Variants in ZNF536 observed in about 807,000 individuals in gnomAD.
The protein encoded by ZNF536 is zinc finger protein 536.
In ZNF536, 13 loss-of-function variants were observed where a neutral mutation model predicts 84.5. The ratio of observed to expected loss-of-function variants is 0.15; its 90% CI spans 0.10 to 0.24. The LOEUF is 0.24. ZNF536 is among the 10% of genes least tolerant of loss of function. The probability of loss-of-function intolerance (pLI) is 1.00; values close to 1 mark genes in which losing one functional copy is unlikely to be tolerated. For missense variants in ZNF536, 1,536 were observed against 1,747.5 expected, an observed-to-expected ratio of 0.88 and a Z score of 2.16; for synonymous variants, 811 against 742.5, an observed-to-expected ratio of 1.09 and a Z score of -1.50.
downstream of ZNF536, among the ~76,000 whole-genome samples, chr19:30,558,949 T>C (rs2046061892): frequency 6.6e-6 from 1 of 152,156 alleles, no homozygotes; most frequent in Admixed American, 6.5e-5. Flanking sequence ...AACCCAGAAA[T>C]GCTCATTGAA....
At position 30,584,750 on chromosome 19, in the gene ZNF536, T is replaced by G. The variant is rs1365912346; in HGVS notation, c.169+35236T>G. The stretch of plus-strand genomic sequence containing the variant: ...TCCTCTTTGTTTGTATGTTCTAATT[T>G]AGCCTTCTGCAGCTTAGGAAATTGT... On this transcript the variant is annotated intron_variant, in intron 1 of 1. Coordinates refer to the ZNF536 transcript ENST00000592773. 2.0e-5 allele frequency among the ~76,000 whole-genome samples: 3 copies of G among 152,224 alleles called. No individual in the cohort carries two copies. In the East Asian group the frequency reaches 5.8e-4, roughly 29 times the overall value.
chr19:30,273,922 T>C (rs563480541), intron 1 of ZNF536, among the ~76,000 whole-genome samples: 2 of 152,312 alleles, frequency 1.3e-5, no homozygotes, highest in African/African-American at 4.8e-5. Context: ...TGTGCAAGAA[T>C]GGAAAGAAAT....
intron 1 of ZNF536, among the ~76,000 whole-genome samples, chr19:30,645,767 T>C (rs2049442346): frequency 6.6e-6 from 1 of 152,236 alleles, no homozygotes; most frequent in Non-Finnish European, 1.5e-5. Flanking sequence ...TGCTAGTGGC[T>C]GCAGCCCACT....
intron 1 of ZNF536, among the ~76,000 whole-genome samples, chr19:30,422,736 C>T (rs1471575405): frequency 6.6e-6 from 1 of 152,072 alleles, no homozygotes; most frequent in Non-Finnish European, 1.5e-5. Context: ...CTCTTCCTTT[C>T]TTCTTTTCTC....
chr19:30,279,649 C>T (rs991811475), intron 1 of ZNF536, among the ~76,000 whole-genome samples: 1 of 152,174 alleles, frequency 6.6e-6, no homozygotes, highest in Non-Finnish European at 1.5e-5. Context: ...AAGTTGCCAG[C>T]ACCCAGGGGG....
intron 2 of ZNF536, among the ~76,000 whole-genome samples, chr19:30,335,520 T>C: frequency 6.6e-6 from 1 of 152,120 alleles, no homozygotes; most frequent in Admixed American, 6.5e-5. Flanking sequence ...ACCAGACACG[T>C]GTTCAGCAGG....
intron 1 of ZNF536, among the ~76,000 whole-genome samples, chr19:30,568,611 C>T (rs887086632): frequency 2.5e-4 from 38 of 151,566 alleles, no homozygotes; most frequent in Admixed American, 2.1e-3. Flanking sequence ...TCTATGACTC[C>T]CTGTCAATGG....
intron 1 of ZNF536, among the ~76,000 whole-genome samples, chr19:30,643,157 GCTT>G (rs1358855662): frequency 2.6e-5 from 4 of 152,220 alleles, no homozygotes; most frequent in African/African-American, 9.7e-5. Context: ...GGGAACGGGT[GCTT>G]CTTCTCCTGC....
chr19:30,420,925 G>A (rs2050928666), intron 1 of ZNF536, among the ~76,000 whole-genome samples: 1 of 152,208 alleles, frequency 6.6e-6, no homozygotes, highest in Non-Finnish European at 1.5e-5. Context: ...TGAGACGAAT[G>A]CTTGGTTTGC....
intron 1 of ZNF536, among the ~76,000 whole-genome samples, chr19:30,606,897 A>G (rs985684219): frequency 2.6e-5 from 4 of 152,220 alleles, no homozygotes; most frequent in Admixed American, 6.5e-5. Context: ...TCCTCGAATC[A>G]TGGAACACTG....
chr19:30,344,455 A>AAG (rs2047675927), intron 2 of ZNF536, among the ~76,000 whole-genome samples: 2 of 147,708 alleles, frequency 1.4e-5, no homozygotes, highest in South Asian at 4.3e-4. Context: ...AAAAAAAAAA[A>AAG]AAAAAAGACA....
intron 2 of ZNF536, among the ~76,000 whole-genome samples, chr19:30,351,279 C>A (rs567759866): frequency 2.6e-5 from 4 of 152,198 alleles, no homozygotes; most frequent in Admixed American, 2.0e-4. Context: ...ATACTAGTGA[C>A]AGTGACCTTG....
chr19:30,508,820 C>CTTTCTTTTT (rs2055280781), intron 2 of ZNF536, among the ~76,000 whole-genome samples: 1 of 68,770 alleles, frequency 1.5e-5, no homozygotes, highest in African/African-American at 6.4e-5. Context: ...TTCTTTCTTT[C>CTTTCTTTTT]TTTTTTTTTT....
chr19:30,458,536 TCCACCTC>T (rs1488787144), intron 2 of ZNF536, among the ~76,000 whole-genome samples: 4 of 138,052 alleles, frequency 2.9e-5, no homozygotes, highest in African/African-American at 1.1e-4. Context: ...CACTGCAACC[TCCACCTC>T]CCAGGTTCAA....
chr19:30,270,221 C>G (rs1446122988), intron 1 of ZNF536, among the ~76,000 whole-genome samples: 1 of 152,092 alleles, frequency 6.6e-6, no homozygotes, highest in African/African-American at 2.4e-5. Context: ...AGGCATGTCC[C>G]GGGAGTGCAT....
chr19:30,250,189 G>A (rs1177422938), intron 1 of ZNF536, among the ~76,000 whole-genome samples: 2 of 152,172 alleles, frequency 1.3e-5, no homozygotes, highest in Admixed American at 6.6e-5. Context: ...GTCTATTCCT[G>A]TGGTGTTTAC....
chr19:30,683,068 C>T (rs1490245858), intron 1 of ZNF536, among the ~76,000 whole-genome samples: 1 of 151,784 alleles, frequency 6.6e-6, no homozygotes, highest in South Asian at 2.1e-4. Context: ...TCAACTTGCC[C>T]TCTCATTCAA....
chr19:30,322,095 C>T (rs144782075), intron 2 of ZNF536, among the ~76,000 whole-genome samples: 18 of 152,254 alleles, frequency 1.2e-4, no homozygotes, highest in Non-Finnish European at 2.2e-4. Flanking sequence ...TGTTCATCCA[C>T]ATTTTTCCAT....
At chr19:30,321,050 G>C (rs574730743) in intron 2 of ZNF536, among the ~76,000 whole-genome samples, 5 of 152,270 alleles carry the variant, frequency 3.3e-5, no homozygotes, top group Admixed American at 3.3e-4. Flanking sequence ...TCCCTTGGGC[G>C]TGGGGCCCCC....
Sources: gnomAD v4.1 joint callset for allele counts (sites outside exome capture counted in the v4.1 genomes callset) on GRCh38, gnomAD v4.1.1 for gene constraint, MANE v1.5 for transcripts, NCBI Gene and HGNC (gene_info 2026-07-23, HGNC 2026-07-21) for gene names.